LRRIQ3: variants seen among roughly 807,000 people sequenced by gnomAD.
The protein encoded by LRRIQ3 is leucine rich repeats and IQ motif containing 3, also known as leucine-rich repeat and IQ domain-containing protein 3.
A neutral mutation model predicts 59.3 loss-of-function variants in LRRIQ3; 75 were observed. The observed-to-expected ratio is 1.26, with a 90% CI of 1.05 to 1.53. The LOEUF (loss-of-function observed/expected upper bound fraction) is 1.53. Ranked by LOEUF, LRRIQ3 falls within the 40% of genes most tolerant of loss-of-function variation. LRRIQ3 has a pLI of 0.00. For synonymous variants in LRRIQ3, 250 were observed against 231.3 expected, an observed-to-expected ratio of 1.08 and a Z score of -0.73; for missense variants, 831 against 710.0, an observed-to-expected ratio of 1.17 and a Z score of -1.94.
chr1:74,043,077 T>C (rs1051951224), intron 6 of LRRIQ3, among the ~76,000 whole-genome samples: 7 of 152,134 alleles, frequency 4.6e-5, no homozygotes, highest in African/African-American at 1.2e-4. Flanking sequence ...TTTGTTACTA[T>C]ACCCAACCTA....
At chr1:74,106,661 C>T (rs1646618642) in intron 5 of LRRIQ3, among the ~76,000 whole-genome samples, 2 of 151,836 alleles carry the variant, frequency 1.3e-5, no homozygotes, top group South Asian at 4.1e-4. Context: ...GCTATTACTC[C>T]CTGAACATAT....
intron 4 of LRRIQ3, among the ~76,000 whole-genome samples, chr1:74,116,896 A>G (rs1417965481): frequency 6.6e-6 from 1 of 152,124 alleles, no homozygotes; most frequent in Non-Finnish European, 1.5e-5. Flanking sequence ...CCATAATTCA[A>G]ACGATTATTA....
chr1:74,183,867 C>A (rs1003165480), intron 1 of LRRIQ3, among the ~76,000 whole-genome samples, 183 bp from the exon 2 acceptor site: 2 of 151,978 alleles, frequency 1.3e-5, no homozygotes, highest in African/African-American at 4.8e-5. Context: ...ATTTCAATAA[C>A]AGCCAATCAG....
At chr1:74,029,487 T>C (rs990722716) in intron 7 of LRRIQ3, among the ~76,000 whole-genome samples, 1 of 152,158 alleles carries the variant, frequency 6.6e-6, no homozygotes, top group Non-Finnish European at 1.5e-5. Context: ...TCTGTTTATA[T>C]GCTGGATTAC....
chr1:74,139,124 GTGTA>G (rs976897413), intron 4 of LRRIQ3, among the ~76,000 whole-genome samples: 21 of 42,428 alleles, frequency 4.9e-4, no homozygotes, highest in Admixed American at 2.1e-3. Context: ...GTATGTGTGT[GTGTA>G]TATATATATA....
intron 5 of LRRIQ3, among the ~76,000 whole-genome samples, 167 bp from the exon 6 acceptor site, chr1:74,074,957 T>C (rs1646186875): frequency 6.6e-6 from 1 of 152,088 alleles, no homozygotes; most frequent in Admixed American, 6.6e-5. Context: ...AAAAGCTCCA[T>C]TGTGTATAAT....
intron 6 of LRRIQ3, among the ~76,000 whole-genome samples, chr1:74,049,590 A>AC (rs1425113586): frequency 1.3e-5 from 2 of 152,166 alleles, no homozygotes; most frequent in African/African-American, 4.8e-5. Context: ...GGCTTGAGAA[A>AC]CCAGGTGAAT....
intron 1 of LRRIQ3, among the ~76,000 whole-genome samples, chr1:74,194,800 G>T (rs1273428649): frequency 1.3e-5 from 2 of 152,070 alleles, no homozygotes; most frequent in Non-Finnish European, 2.9e-5. Context: ...ACAGATTTTG[G>T]ATCTCCTAAA....
chr1:74,163,285 C>T (rs1030028394), intron 3 of LRRIQ3, among the ~76,000 whole-genome samples: 2 of 151,076 alleles, frequency 1.3e-5, no homozygotes, highest in African/African-American at 4.9e-5. Flanking sequence ...TTTAATAGTC[C>T]CACAAAATGG....
intron 3 of LRRIQ3, chr1:74,180,731 A>G (rs1271990888): frequency 2.6e-6 from 4 of 1,550,132 alleles, no homozygotes; most frequent in Non-Finnish European, 2.6e-6. Flanking sequence ...TTGCTGTCCA[A>G]TATTGGGTAA....
intron 6 of LRRIQ3, among the ~76,000 whole-genome samples, chr1:74,068,391 T>C (rs1348707304): frequency 6.6e-6 from 1 of 152,056 alleles, no homozygotes; most frequent in African/African-American, 2.4e-5. Context: ...AACAATTCTC[T>C]TAATTTCTTT....
intron 3 of LRRIQ3, among the ~76,000 whole-genome samples, chr1:74,170,852 A>C (rs1176780956): frequency 6.6e-6 from 1 of 152,022 alleles, no homozygotes; most frequent in Non-Finnish European, 1.5e-5. Flanking sequence ...TTTTTCCATT[A>C]GTGTTTTATA....
chr1:74,084,122 T>A, intron 5 of LRRIQ3: 8 of 1,522,256 alleles, frequency 5.3e-6, no homozygotes, highest in African/African-American at 1.4e-5. Context: ...TGTTGTCCAA[T>A]GAATGATGTG....
chr1:74,194,438 A>G (rs1316076325), intron 1 of LRRIQ3, among the ~76,000 whole-genome samples: 1 of 152,210 alleles, frequency 6.6e-6, no homozygotes, highest in Admixed American at 6.5e-5. Flanking sequence ...TTTTCAAATG[A>G]CATGAAAAGT....
In LRRIQ3 at chr1:74,074,680, TG is replaced by T; in HGVS notation, c.977del (p.Ser326Ter). On this transcript the variant is annotated frameshift_variant, in exon 6 of 8. Transcript: ENST00000354431. LOFTEE classifies it high-confidence loss of function. The part of the protein sequence containing the change: ...PKDLGMKSKT[S>X]RHLIQKGQES... ...ACTAACCTTTTTGAATGAGATGTCT[TG>T]ATGTTTTTGATTTCATGCCTAGATC... The T allele has an allele frequency of 7.2e-7, 1 of 1,391,746 alleles. No individual in the cohort carries two copies. Among genetic ancestry groups the T allele is most frequent in the Non-Finnish European group, 9.6e-7 (1 of 1,045,802 alleles). 86.2% of individuals were successfully genotyped at this position (1,391,746 alleles called of 1,614,324 possible).
At chr1:74,120,659 T>A (rs1028955468) in intron 4 of LRRIQ3, among the ~76,000 whole-genome samples, 1 of 151,954 alleles carries the variant, frequency 6.6e-6, no homozygotes, top group Non-Finnish European at 1.5e-5. Flanking sequence ...GCCAGATTTA[T>A]CTTATGTATG....
chr1:74,161,273 T>C (rs906264503), intron 3 of LRRIQ3, among the ~76,000 whole-genome samples: 4 of 151,944 alleles, frequency 2.6e-5, no homozygotes, highest in Admixed American at 2.0e-4. Context: ...CCAAATACCA[T>C]CATATTGGAG....
In LRRIQ3 at chr1:74,041,280, T is replaced by C. The variant is rs1011230954; in HGVS notation, c.1651A>G (p.Ile551Val). Residue 551 changes from isoleucine (I) to valine (V), a missense_variant, in exon 7 of 8, where the codon ATT becomes GTT. Physicochemically the swap from Ile to Val is conservative, Grantham distance 29. Coordinates refer to ENST00000354431, the MANE Select transcript of LRRIQ3 (RefSeq NM_001105659.2). Reference sequence around the variant, plus strand: ...TCTGCTTTTAGTTTTTGCTTAACAATCAGGCTTTTCTCTTTTAGGACAGCC... The same window carrying C: ...TCTGCTTTTAGTTTTTGCTTAACAACCAGGCTTTTCTCTTTTAGGACAGCC... ...NEAVLKEKSL[I>V]VKQKLKAEKY... 1 of 1,605,052 alleles carries C rather than the reference T, an allele frequency of 6.2e-7. No individual in the cohort carries two copies. Among genetic ancestry groups the C allele is most frequent in the African/African-American group, 1.3e-5 (1 of 74,484 alleles).
chr1:74,174,914 ATTAGTTTCCT>A (rs763803907), intron 3 of LRRIQ3, among the ~76,000 whole-genome samples: 3 of 152,264 alleles, frequency 2.0e-5, no homozygotes, highest in Admixed American at 2.0e-4. Context: ...AGAGAGCTTT[ATTAGTTTCCT>A]TTAGTTTCCT....
Sources: gnomAD v4.1 joint callset for allele counts (sites outside exome capture counted in the v4.1 genomes callset) on GRCh38, gnomAD v4.1.1 for gene constraint, MANE v1.5 for transcripts, NCBI Gene and HGNC (gene_info 2026-07-23, HGNC 2026-07-21) for gene names.